The following ENOX1 variants were observed in gnomAD, a reference collection of about 807,000 sequenced individuals.
ENOX1 encodes candidate growth-related and time keeping constitutive hydroquinone (NADH) oxidase.
A neutral mutation model predicts 82.5 loss-of-function variants in ENOX1; 42 were observed. The observed-to-expected ratio is 0.51, with a 90% CI of 0.40 to 0.66. The LOEUF is 0.66. Among genes scored for constraint, ENOX1 ranks in the 30% least tolerant of loss-of-function variants. The probability of loss-of-function intolerance (pLI) is 0.00; values close to 1 mark genes in which losing one functional copy is unlikely to be tolerated. For synonymous variants in ENOX1, 271 were observed against 282.2 expected (o/e 0.96, Z 0.40); for missense variants, 608 against 811.6 (o/e 0.75, Z 3.05).
chr13:43,577,125 A>G (rs2153714914), intron 2 of ENOX1, among the ~76,000 whole-genome samples: 1 of 85,432 alleles, frequency 1.2e-5, no homozygotes, highest in Non-Finnish European at 2.3e-5. Flanking sequence ...GAGTGATAAA[A>G]ATATTTTTTT....
rs200161145 is a variant in ENOX1 at position 43,515,103 on chromosome 13, T to C, written c.-218-30951A>G. On this transcript the variant is annotated intron_variant, in intron 2 of 16. Transcript: ENST00000690772. ...TGGATGCTCAGAGCATTAACTGATT[T>C]GTTCAAGTCACGCAACCAGTACACG... Among the ~76,000 whole-genome samples, 282 of 152,288 alleles carry C rather than the reference T, an allele frequency of 1.9e-3. 1 individual carries two copies. The highest frequency in any genetic ancestry group is 3.4e-3 in the Non-Finnish European group (232 of 68,014).
intron 1 of ENOX1, among the ~76,000 whole-genome samples, chr13:43,780,775 A>G (rs1952210898): frequency 6.6e-6 from 1 of 152,244 alleles, no homozygotes; most frequent in Non-Finnish European, 1.5e-5. Context: ...TTACATCCAC[A>G]ATGGCTTCTG....
At chr13:43,357,403 T>C (rs1261174338) in intron 7 of ENOX1, among the ~76,000 whole-genome samples, 1 of 152,244 alleles carries the variant, frequency 6.6e-6, no homozygotes, top group Non-Finnish European at 1.5e-5. Context: ...ACTTCACATC[T>C]GGTTTCTGTG....
intron 12 of ENOX1, among the ~76,000 whole-genome samples, chr13:43,273,972 C>T (rs1178676696): frequency 6.6e-6 from 1 of 151,936 alleles, no homozygotes; most frequent in Non-Finnish European, 1.5e-5. Context: ...CTCTTGTTTC[C>T]CCACTTCTAT....
chr13:43,783,080 A>G (rs1952367961), intron 1 of ENOX1, among the ~76,000 whole-genome samples: 1 of 152,238 alleles, frequency 6.6e-6, no homozygotes, highest in Non-Finnish European at 1.5e-5. Context: ...ATGTACAGGT[A>G]TACAAACTGA....
At chr13:43,314,775 A>C (rs112572752) in intron 11 of ENOX1, among the ~76,000 whole-genome samples, 4 of 152,214 alleles carry the variant, frequency 2.6e-5, no homozygotes, top group African/African-American at 4.8e-5. Flanking sequence ...GCCTACATAT[A>C]TATAGCTTCT....
intron 2 of ENOX1, among the ~76,000 whole-genome samples, chr13:43,607,971 C>T (rs2153735515): frequency 6.6e-6 from 1 of 152,228 alleles, no homozygotes; most frequent in South Asian, 2.1e-4. Flanking sequence ...CTGGAAGCAC[C>T]AAGTCACTGA....
At chr13:43,747,417 C>A (rs954636979) in intron 1 of ENOX1, among the ~76,000 whole-genome samples, 1 of 152,198 alleles carries the variant, frequency 6.6e-6, no homozygotes, top group Non-Finnish European at 1.5e-5. Context: ...GCTTCCACTG[C>A]CATAACTGCC....
chr13:43,717,496 C>CT, intron 1 of ENOX1, among the ~76,000 whole-genome samples: 1 of 152,232 alleles, frequency 6.6e-6, no homozygotes, highest in East Asian at 1.9e-4. Flanking sequence ...GAATTTATGG[C>CT]TAAGTTCCTA....
chr13:43,413,197 C>T (rs751322224), intron 3 of ENOX1, among the ~76,000 whole-genome samples: 20 of 152,122 alleles, frequency 1.3e-4, no homozygotes, highest in African/African-American at 3.9e-4. Flanking sequence ...GTCAACTCAT[C>T]GACTCACCAG....
At chr13:43,566,008 C>T (rs2079902266) in intron 2 of ENOX1, among the ~76,000 whole-genome samples, 1 of 152,080 alleles carries the variant, frequency 6.6e-6, no homozygotes, top group Non-Finnish European at 1.5e-5. Flanking sequence ...CTCGTAATCA[C>T]CATGTGGGTT....
intron 1 of ENOX1, among the ~76,000 whole-genome samples, chr13:43,709,745 A>G (rs1021549): frequency 0.028 from 4,326 of 152,276 alleles, 242 homozygotes; most frequent in East Asian, 0.21. Flanking sequence ...AAATAACTAC[A>G]AACTGATTTT....
intron 1 of ENOX1, among the ~76,000 whole-genome samples, chr13:43,770,001 T>C (rs1341807163): frequency 1.3e-5 from 2 of 152,210 alleles, no homozygotes; most frequent in Non-Finnish European, 2.9e-5. Flanking sequence ...TAATAAGAAT[T>C]TACCCAAATG....
At chr13:43,674,939 A>T (rs1349321003) in intron 1 of ENOX1, among the ~76,000 whole-genome samples, 2 of 152,192 alleles carry the variant, frequency 1.3e-5, no homozygotes, top group Non-Finnish European at 2.9e-5. Context: ...AGTATAAAAG[A>T]ATGTGGTGAG....
intron 12 of ENOX1, among the ~76,000 whole-genome samples, chr13:43,289,723 G>A (rs1471395038): frequency 2.0e-5 from 3 of 152,064 alleles, no homozygotes; most frequent in African/African-American, 7.2e-5. Flanking sequence ...AAATAGACAA[G>A]TGGGACCTAA....
rs553504525 is a variant in ENOX1 at position 43,541,173 on chromosome 13, G to GTTTTTTTTTTTTTTTTTTTT, written c.-218-57041_-218-57022dup. On this transcript the variant is annotated intron_variant, in intron 2 of 16. Transcript: ENST00000690772. The stretch of plus-strand genomic sequence containing the variant: ...CTCCAACCTTACACTTCTTCCCTCT[G>GTTTTTTTTTTTTTTTTTTTT]TTTTTTTTTTTTTTTTTTTTTTTTT... Among the ~76,000 whole-genome samples, 46 of 64,578 alleles carry GTTTTTTTTTTTTTTTTTTTT rather than the reference G, an allele frequency of 7.1e-4. 7 individuals carry two copies. Among genetic ancestry groups the GTTTTTTTTTTTTTTTTTTTT allele is most frequent in the South Asian group, 2.7e-3 (2 of 738 alleles). 42.4% of individuals were successfully genotyped at this position (64,578 alleles called of 152,430 possible). A position where few individuals can be genotyped will look rare whatever the true frequency, so the allele number is the denominator to read the frequency against.
At chr13:43,501,780 C>A (rs1481634316) in intron 2 of ENOX1, among the ~76,000 whole-genome samples, 2 of 119,878 alleles carry the variant, frequency 1.7e-5, no homozygotes, top group Admixed American at 8.2e-5. Context: ...ATAGTATAAA[C>A]ACCTACCTTA....
intron 1 of ENOX1, among the ~76,000 whole-genome samples, chr13:43,759,708 A>T (rs1167424750): frequency 2.6e-5 from 4 of 152,200 alleles, no homozygotes; most frequent in African/African-American, 7.2e-5. Flanking sequence ...ACTTTTTTTC[A>T]TCACCTTGGA....
intron 1 of ENOX1, among the ~76,000 whole-genome samples, chr13:43,753,842 G>GT (rs1486298861): frequency 6.6e-6 from 1 of 152,128 alleles, no homozygotes; most frequent in Non-Finnish European, 1.5e-5. Flanking sequence ...CCTATTAAGA[G>GT]TAATACGTCA....
Sources: allele counts gnomAD v4.1 joint callset (sites outside exome capture counted in the v4.1 genomes callset), GRCh38; gene constraint gnomAD v4.1.1; transcripts MANE v1.5; gene names NCBI Gene and HGNC (gene_info 2026-07-23, HGNC 2026-07-21).